PCDHA4: variants seen among roughly 807,000 people sequenced by gnomAD.
PCDHA4 encodes protocadherin alpha 4, also known as protocadherin alpha-4.
Under a neutral mutation model 61.4 loss-of-function variants are expected in PCDHA4, and 49 were observed. The observed-to-expected ratio is 0.80, with a 90% CI of 0.63 to 1.01. PCDHA4 has a LOEUF of 1.01. PCDHA4 is among the 50% of genes least tolerant of loss of function. The pLI is 0.00. For synonymous variants in PCDHA4, 590 were observed against 550.3 expected (o/e 1.07, Z -1.01); for missense variants, 1,254 against 1,235.8 (o/e 1.01, Z -0.22).
At chr5:140,968,660 C>T in intron 1 of PCDHA4, 1 of 1,614,166 alleles carries the variant, frequency 6.2e-7, no homozygotes, top group Non-Finnish European at 8.5e-7. Flanking sequence ...TGACCTGGAC[C>T]TCTTTAAGGT....
rs3822354 is a variant in PCDHA4, at chr5:140,807,395, G to C, written c.208G>C (p.Gly70Arg). 8.2e-7 allele frequency: 1 copy of C among 1,218,782 alleles called. No homozygotes were observed. The highest frequency in any genetic ancestry group is 2.5e-4 in the Middle Eastern group (1 of 3,968). The allele number at this position is 1,218,782 out of a possible 1,614,324, so 75.5% of individuals were successfully genotyped here. The change falls in exon 1 of 4, where the codon GGC becomes CGC. Residue 70 changes from glycine (G) to arginine (R), a missense_variant. Gly to Arg is a moderately radical substitution (Grantham distance 125). Transcript: ENST00000530339. ...GCGCCTGTTCCGGGTGGCGTCCAAG[G>C]GCCGCGGAGGCCTTCTGGAGGTAAA... ...VPRLFRVASK[G>R]RGGLLEVNLQ...
chr5:140,842,085 C>T (rs2150329021), intron 1 of PCDHA4: 1 of 1,613,890 alleles, frequency 6.2e-7, no homozygotes, highest in Non-Finnish European at 8.5e-7. Flanking sequence ...TTCGAAAACG[C>T]AGACAACGGA....
chr5:140,871,171 G>GCTGC (rs782249857), intron 1 of PCDHA4: 2 of 1,613,534 alleles, frequency 1.2e-6, no homozygotes, highest in Non-Finnish European at 1.7e-6. Flanking sequence ...GAGCCCAGAG[G>GCTGC]CTGCGCTGGT....
At chr5:140,870,019 A>C (rs371365026) in intron 1 of PCDHA4, 6 of 1,613,574 alleles carry the variant, frequency 3.7e-6, no homozygotes, top group Non-Finnish European at 5.1e-6. Context: ...GGTCAATGGA[A>C]CTTTAGATTA....
At chr5:140,822,147 C>T in intron 1 of PCDHA4, 1 of 1,614,252 alleles carries the variant, frequency 6.2e-7, no homozygotes, top group Non-Finnish European at 8.5e-7. Flanking sequence ...CAGTGAAGGA[C>T]ATCAATGACA....
At chr5:140,813,809 A>G (rs904755063) in intron 1 of PCDHA4, 3 of 152,296 alleles carry the variant, frequency 2.0e-5, no homozygotes, top group Non-Finnish European at 4.4e-5. Context: ...CAGCCTGGGC[A>G]ATATAGTGAG....
chr5:140,834,156 TA>T, intron 1 of PCDHA4: 1 of 537,442 alleles, frequency 1.9e-6, no homozygotes, highest in East Asian at 3.0e-5. Flanking sequence ...TAATGGTTTG[TA>T]ATTCTTACTT....
intron 1 of PCDHA4, chr5:140,857,918 G>A: frequency 3.1e-6 from 5 of 1,597,824 alleles, no homozygotes; most frequent in Non-Finnish European, 4.3e-6. Context: ...GTTTCGCGTG[G>A]GGCTGTACAC....
rs200196783 is a variant in PCDHA4 at position 140,849,807 on chromosome 5, A to C, written c.2385+40235A>C. On this transcript the variant is annotated intron_variant, in intron 1 of 3. Transcript: ENST00000530339. The stretch of plus-strand genomic sequence containing the variant: ...CGGGGGCTCGCCTTCACTGTGGGCC[A>C]CGGCCAGGGTGTCTGTGGAGGTGGC... 5.4e-5 allele frequency: 86 copies of C among 1,598,400 alleles called. 9 individuals are homozygous for C. The highest frequency in any genetic ancestry group is 6.8e-5 in the Non-Finnish European group (80 of 1,167,954).
At chr5:140,869,066 T>G (rs782722664) in intron 1 of PCDHA4, 1 of 1,567,422 alleles carries the variant, frequency 6.4e-7, no homozygotes, top group Non-Finnish European at 8.6e-7. Context: ...GTACTGTAAG[T>G]GTAAAGAAGC....
At chr5:140,858,633 TTTGA>T (rs1554151907) in intron 1 of PCDHA4, 1 of 1,010,458 alleles carries the variant, frequency 9.9e-7, no homozygotes, top group Non-Finnish European at 1.4e-6. Context: ...TGTGTCAGCC[TTTGA>T]TTGGTACTTA....
intron 1 of PCDHA4, chr5:140,870,482 C>A (rs1298357431): frequency 6.2e-7 from 1 of 1,614,126 alleles, no homozygotes; most frequent in Non-Finnish European, 8.5e-7. Flanking sequence ...CCCGAGTACA[C>A]CGTGTTCGTG....
rs2150350021 is a variant in PCDHA4 at position 140,843,009 on chromosome 5, C to G, written c.2385+33437C>G. The G allele has an allele frequency of 1.9e-6, 3 of 1,595,058 alleles. 1 individual carries two copies. Among genetic ancestry groups the G allele is most frequent in the Non-Finnish European group, 2.6e-6 (3 of 1,165,480 alleles). Reference sequence around the variant, plus strand: ...GTGCTGGACGAGAATGACAACGCGCCGGCACTGCTGGAGCCTCGGGTGGGT... The same window carrying G: ...GTGCTGGACGAGAATGACAACGCGCGGGCACTGCTGGAGCCTCGGGTGGGT... On this transcript the variant is annotated intron_variant, in intron 1 of 3. Coordinates refer to ENST00000530339, the MANE Select transcript of PCDHA4 (RefSeq NM_018907.4).
At chr5:141,002,923 C>A (rs1261794185) in intron 3 of PCDHA4, among the ~76,000 whole-genome samples, 2 of 152,220 alleles carry the variant, frequency 1.3e-5, no homozygotes, top group Non-Finnish European at 2.9e-5. Flanking sequence ...AAAGTGAACA[C>A]CCTCCAACAC....
At chr5:140,896,960 T>C (rs1242760287) in intron 1 of PCDHA4, among the ~76,000 whole-genome samples, 1 of 152,234 alleles carries the variant, frequency 6.6e-6, no homozygotes, top group Non-Finnish European at 1.5e-5. Context: ...CTTAAACATT[T>C]ATTCTTTGCA....
intron 1 of PCDHA4, among the ~76,000 whole-genome samples, chr5:140,945,576 T>G (rs1383348275): frequency 6.6e-6 from 1 of 152,064 alleles, no homozygotes; most frequent in African/African-American, 2.4e-5. Context: ...ACTACCTGGC[T>G]TCAAAATATA....
At chr5:140,818,724 G>C (rs1554127561) in intron 1 of PCDHA4, among the ~76,000 whole-genome samples, 1 of 152,190 alleles carries the variant, frequency 6.6e-6, no homozygotes, top group Non-Finnish European at 1.5e-5. Context: ...TGTGGTCCCA[G>C]CTACTTGGGA....
Position 140,995,490 on chromosome 5 carries a change from A to C in PCDHA4, c.2533+12927A>C, listed in dbSNP as rs181247682. Among the ~76,000 whole-genome samples the C allele has an allele frequency of 2.7e-3, 416 of 152,304 alleles. 1 individual carries two copies. The highest frequency in any genetic ancestry group is 4.2e-3 in the Non-Finnish European group (283 of 68,028). ...ATTTTTCATTTAATATTTTCAGACT[A>C]AGGTTGACTGTGGGTAACTGAAGCC... is the stretch of plus-strand genomic sequence containing the variant. On this transcript the variant is annotated intron_variant, in intron 3 of 3. Transcript: ENST00000530339.
In PCDHA4 at chr5:140,858,669, A is replaced by G; in HGVS notation, c.2385+49097A>G. The G allele has an allele frequency of 4.4e-6, 3 of 676,742 alleles. 1 individual carries two copies. Among genetic ancestry groups the G allele is most frequent in the Non-Finnish European group, 7.2e-6 (3 of 415,418 alleles). 41.9% of individuals were successfully genotyped at this position (676,742 alleles called of 1,614,324 possible). On this transcript the variant is annotated intron_variant, in intron 1 of 3. Coordinates refer to ENST00000530339, the MANE Select transcript of PCDHA4 (RefSeq NM_018907.4). ...CTTAAATTTTTTTAAATAACAATTT[A>G]TTCTGAATACACTAATATTTTCCAA...
Sources: gnomAD v4.1 joint callset for allele counts (sites outside exome capture counted in the v4.1 genomes callset) on GRCh38, gnomAD v4.1.1 for gene constraint, MANE v1.5 for transcripts, NCBI Gene and HGNC (gene_info 2026-07-23, HGNC 2026-07-21) for gene names.